RABGEF1: variants seen among roughly 807,000 people sequenced by gnomAD.
The protein encoded by RABGEF1 is rab5 GDP/GTP exchange factor.
RABGEF1 carries 26 observed loss-of-function variants against 57.3 expected under a neutral mutation model. The ratio of observed to expected loss-of-function variants is 0.45; its 90% confidence interval spans 0.33 to 0.63. The LOEUF (loss-of-function observed/expected upper bound fraction) is 0.63. RABGEF1 is among the 20% of genes least tolerant of loss of function. RABGEF1 has a pLI of 0.02. For synonymous variants in RABGEF1, 185 were observed against 210.7 expected, an observed-to-expected ratio of 0.88 and a Z score of 1.06; for missense variants, 464 against 607.6, an observed-to-expected ratio of 0.76 and a Z score of 2.48.
the RABGEF1 span, among the ~76,000 whole-genome samples, chr7:66,670,481 G>C: frequency 8.3e-6 from 1 of 120,794 alleles, no homozygotes; most frequent in African/African-American, 3.1e-5. Flanking sequence ...AGGACACAAA[G>C]ACAGCCAGAG....
At chr7:66,705,448 A>AGAGC (rs1793900575) in intron 1 of RABGEF1, among the ~76,000 whole-genome samples, 1 of 110,850 alleles carries the variant, frequency 9.0e-6, no homozygotes, top group Non-Finnish European at 1.9e-5. Context: ...AAAGAAAGAG[A>AGAGC]GAGAGAGAGA....
chr7:66,670,924 CAT>C, the RABGEF1 span, among the ~76,000 whole-genome samples: 80 of 151,358 alleles, frequency 5.3e-4, no homozygotes, highest in African/African-American at 1.7e-3. Flanking sequence ...CACACACACA[CAT>C]ATGTGCTCTG....
chr7:66,793,867 C>T (rs1250223146), intron 4 of RABGEF1, among the ~76,000 whole-genome samples: 2 of 152,178 alleles, frequency 1.3e-5, no homozygotes, highest in African/African-American at 4.8e-5. Context: ...GATGTATCGG[C>T]CCTTGGCGTG....
At chr7:66,667,362 C>G in the RABGEF1 span, 1 of 152,320 alleles carries the variant, frequency 6.6e-6, no homozygotes, top group African/African-American at 2.4e-5. Context: ...CCATTTTGTT[C>G]CCGCTGATCC....
chr7:66,798,641 T>G (rs1270426886), intron 6 of RABGEF1, among the ~76,000 whole-genome samples: 1 of 152,116 alleles, frequency 6.6e-6, no homozygotes, highest in Non-Finnish European at 1.5e-5. Flanking sequence ...GCCCGTGGCC[T>G]CCTATACAAG....
intron 1 of RABGEF1, among the ~76,000 whole-genome samples, chr7:66,770,856 T>C (rs908701677): frequency 6.6e-6 from 1 of 152,214 alleles, no homozygotes; most frequent in African/African-American, 2.4e-5. Context: ...TTGATTTGCA[T>C]TTCCCTGATG....
At chr7:66,760,442 ATTTTT>A (rs1024130038) in intron 1 of RABGEF1, among the ~76,000 whole-genome samples, 1 of 126,152 alleles carries the variant, frequency 7.9e-6, no homozygotes. Context: ...GTTAGCATGT[ATTTTT>A]TTTTTTTTTT....
At chr7:66,691,024 G>A (rs1181006902) in intron 1 of RABGEF1, among the ~76,000 whole-genome samples, 1 of 152,140 alleles carries the variant, frequency 6.6e-6, no homozygotes, top group African/African-American at 2.4e-5. Context: ...CGGGGAGGCA[G>A]GGGTTGCAGT....
At position 66,687,244 on chromosome 7, in the gene RABGEF1, G is replaced by GC. The variant is rs530871294; in HGVS notation, c.-873+4992dup. Among the ~76,000 whole-genome samples, 166 of 150,410 alleles carry GC rather than the reference G, an allele frequency of 1.1e-3. 2 individuals are homozygous for GC. Among genetic ancestry groups the GC allele is most frequent in the African/African-American group, 3.7e-3 (153 of 41,070 alleles). On this transcript the variant is annotated intron_variant and NMD_transcript_variant, in intron 1 of 9. Transcript: ENST00000607882. ...AAGTTCAAGCAGTCCTCCTGCCTCG[G>GC]CCCCCCAGTAGGTGGGATTACAGGC...
chr7:66,686,186 C>T (rs1790598928), intron 1 of RABGEF1, among the ~76,000 whole-genome samples: 3 of 151,054 alleles, frequency 2.0e-5, no homozygotes, highest in Admixed American at 6.6e-5. Flanking sequence ...GAGTCTGAGG[C>T]ACAAGAATCT....
At chr7:66,721,395 TC>T (rs1451704919) in intron 2 of RABGEF1, among the ~76,000 whole-genome samples, 1 of 152,188 alleles carries the variant, frequency 6.6e-6, no homozygotes, top group African/African-American at 2.4e-5. Flanking sequence ...CTGTCTGAAA[TC>T]AAGATGTCAC....
intron 5 of RABGEF1, among the ~76,000 whole-genome samples, chr7:66,796,278 G>A (rs1785901744): frequency 6.6e-6 from 1 of 152,058 alleles, no homozygotes; most frequent in Non-Finnish European, 1.5e-5. Flanking sequence ...ATTCTTTATG[G>A]ATTCAACCTT....
At chr7:66,787,643 C>T (rs1232180958) in intron 4 of RABGEF1, among the ~76,000 whole-genome samples, 3 of 152,170 alleles carry the variant, frequency 2.0e-5, no homozygotes, top group Non-Finnish European at 4.4e-5. Flanking sequence ...CAATACCTGG[C>T]CTAACTTGAA....
At chr7:66,662,497 T>A in the RABGEF1 span, among the ~76,000 whole-genome samples, 10 of 152,330 alleles carry the variant, frequency 6.6e-5, no homozygotes, top group Admixed American at 5.9e-4. Context: ...CCATGCCAGC[T>A]GAGGGTGTCT....
At position 66,747,658 on chromosome 7, in the gene RABGEF1, A is replaced by C. The variant is rs560664169; in HGVS notation, c.-18+6866A>C. Among the ~76,000 whole-genome samples the C allele has an allele frequency of 2.0e-5, 3 of 152,300 alleles. No homozygotes were observed. The East Asian group carries it at 5.8e-4, about 29-fold the overall frequency. ...CCTCTGTTGTACAGAGGAAATTTAA[A>C]TTCTTAAAATTAGAATTTTCTAATT... On this transcript the variant is annotated intron_variant, in intron 1 of 8. Transcript: ENST00000284957.
chr7:66,659,506 G>A, the RABGEF1 span, among the ~76,000 whole-genome samples: 4 of 151,366 alleles, frequency 2.6e-5, no homozygotes, highest in East Asian at 1.9e-4. Context: ...CTGGCTGGCC[G>A]CAGTGGCTCA....
Position 66,796,582 on chromosome 7 carries a change from TTTTG to T in RABGEF1, c.596-772_596-769del, listed in dbSNP as rs202225343. The stretch of plus-strand genomic sequence containing the variant: ...CAGCCCAACAGTTGGAAGAAGATTT[TTTTG>T]TTTGTTTGTTTGTTTGTTTTTGTCG... On this transcript the variant is annotated intron_variant, in intron 5 of 8. Transcript: ENST00000284957. Among the ~76,000 whole-genome samples, 429 of 152,080 alleles carry T rather than the reference TTTTG, an allele frequency of 2.8e-3. 6 individuals are homozygous for T. Among genetic ancestry groups the T allele is most frequent in the East Asian group, 0.027 (141 of 5,160 alleles).
At chr7:66,730,785 T>G (rs922530323) in intron 2 of RABGEF1, among the ~76,000 whole-genome samples, 2 of 152,170 alleles carry the variant, frequency 1.3e-5, no homozygotes, top group African/African-American at 4.8e-5. Context: ...CTCGAACTCC[T>G]GACCTCAAGT....
intron 5 of RABGEF1, 82 bp downstream of exon 5, chr7:66,795,674 G>A (rs1056227211): frequency 7.6e-7 from 1 of 1,322,412 alleles, no homozygotes; most frequent in African/African-American, 1.5e-5. Context: ...TTCTTTCTCT[G>A]ATGGTCTGGC....
Sources: allele counts gnomAD v4.1 joint callset (sites outside exome capture counted in the v4.1 genomes callset), GRCh38; gene constraint gnomAD v4.1.1; transcripts MANE v1.5; gene names NCBI Gene and HGNC (gene_info 2026-07-23, HGNC 2026-07-21).